IQCE: variants seen among roughly 807,000 people sequenced by gnomAD.
IQCE encodes IQ motif containing E, also known as IQ domain-containing protein E.
In IQCE, 115 loss-of-function variants were observed where a neutral mutation model predicts 96.0. The ratio of observed to expected loss-of-function variants is 1.20; its 90% confidence interval spans 1.03 to 1.40. The LOEUF (loss-of-function observed/expected upper bound fraction) is 1.40. Among genes scored for constraint, IQCE ranks in the 40% most tolerant of loss-of-function variants. The pLI is 0.00. For synonymous variants in IQCE, 412 were observed against 371.2 expected, an observed-to-expected ratio of 1.11 and a Z score of -1.26; for missense variants, 1,041 against 909.1, an observed-to-expected ratio of 1.15 and a Z score of -1.87.
intron 11 of IQCE, chr7:2,584,518 C>T (rs1007507296): frequency 3.0e-5 from 16 of 534,870 alleles, no homozygotes; most frequent in Admixed American, 1.9e-4. Flanking sequence ...CAATGCCGCC[C>T]GTGTTCGTTA....
At chr7:2,586,504 C>T in intron 12 of IQCE, 133 bp downstream of exon 12, 3 of 963,530 alleles carry the variant, frequency 3.1e-6, no homozygotes, top group African/African-American at 1.6e-5. Context: ...ACGCCAGTTC[C>T]CACATGTGCC....
At chr7:2,586,416 AGGGAAT>A (rs1783119260) in intron 12 of IQCE, 45 bp downstream of exon 12, 4 of 1,556,758 alleles carry the variant, frequency 2.6e-6, no homozygotes, top group Non-Finnish European at 3.5e-6. Flanking sequence ...AGGGAATGGC[AGGGAAT>A]GGCAGGGCAT....
At chr7:2,582,908 A>C (rs887452145) in intron 9 of IQCE, among the ~76,000 whole-genome samples, 2 of 151,884 alleles carry the variant, frequency 1.3e-5, no homozygotes, top group Non-Finnish European at 2.9e-5. Flanking sequence ...TCTTTCCAGG[A>C]TGAGGTTTTA....
chr7:2,582,195 C>A, intron 8 of IQCE: 1 of 400,226 alleles, frequency 2.5e-6, no homozygotes, highest in Non-Finnish European at 5.0e-6. Flanking sequence ...CTGAACTGGG[C>A]GGCCCTAGGG....
chr7:2,609,727 A>G (rs1562689665), intron 21 of IQCE, among the ~76,000 whole-genome samples: 2 of 147,686 alleles, frequency 1.4e-5, no homozygotes, highest in Admixed American at 6.7e-5. Flanking sequence ...GAGGCTGGAG[A>G]GTGAGGCTTT....
At chr7:2,587,140 G>C (rs1783186172) in intron 12 of IQCE, among the ~76,000 whole-genome samples, 1 of 152,128 alleles carries the variant, frequency 6.6e-6, no homozygotes, top group South Asian at 2.1e-4. Context: ...AGAGGGAGCA[G>C]CCAGGCTCCA....
chr7:2,601,860 T>C (rs1784457769), intron 18 of IQCE: 1 of 209,104 alleles, frequency 4.8e-6, no homozygotes, highest in South Asian at 8.0e-5. Flanking sequence ...AGTCCTTCTT[T>C]TCATGAAACC....
intron 6 of IQCE, among the ~76,000 whole-genome samples, chr7:2,576,202 C>T (rs912371132): frequency 6.6e-6 from 1 of 152,178 alleles, no homozygotes; most frequent in Non-Finnish European, 1.5e-5. Flanking sequence ...ATACCACAGT[C>T]TTTTGCAAGG....
At chr7:2,562,078 T>C (rs1231656921) in intron 1 of IQCE, among the ~76,000 whole-genome samples, 2 of 152,196 alleles carry the variant, frequency 1.3e-5, no homozygotes, top group Non-Finnish European at 2.9e-5. Context: ...CTTCATAGAT[T>C]ATTGAGTATC....
chr7:2,562,667 GT>G (rs1401416135), intron 1 of IQCE, among the ~76,000 whole-genome samples: 4 of 149,288 alleles, frequency 2.7e-5, no homozygotes, highest in Non-Finnish European at 5.9e-5. Context: ...AGGTTTGTCA[GT>G]TTTGTTGATC....
intron 20 of IQCE, 99 bp downstream of exon 20, chr7:2,606,096 C>G: frequency 7.2e-7 from 1 of 1,389,356 alleles, no homozygotes; most frequent in South Asian, 1.5e-5. Context: ...GTGGCGGAAA[C>G]TGGAGCAGCG....
At chr7:2,584,213 G>C in intron 10 of IQCE, 23 bp from the exon 11 acceptor site, 3 of 1,607,820 alleles carry the variant, frequency 1.9e-6, no homozygotes, top group Non-Finnish European at 2.6e-6. Context: ...GTGTTTTCAT[G>C]CATTTCAATT....
chr7:2,586,261 C>T lies in IQCE; in HGVS notation c.878C>T (p.Ala293Val), dbSNP rs1562650936. 6.2e-7 allele frequency: 1 copy of T among 1,614,030 alleles called. No homozygotes were observed. Among genetic ancestry groups the T allele is most frequent in the Non-Finnish European group, 8.5e-7 (1 of 1,179,942 alleles). ...GAKRQKKMGS[A>V]LLSLSRSVQE... is the part of the protein sequence containing the mutation. ...AAAAGGCAGAAGAAGATGGGCAGTGCCCTCCTGAGCTTGTCCCGGAGTGTC... is the reference window on the plus strand; with the variant it reads ...AAAAGGCAGAAGAAGATGGGCAGTGTCCTCCTGAGCTTGTCCCGGAGTGTC... The change falls in exon 12 of 22, where the codon GCC (alanine) becomes GTC (valine). Residue 293 changes from alanine to valine, a missense_variant. Ala to Val is a moderately conservative substitution (Grantham distance 64). Coordinates refer to ENST00000402050, the MANE Select transcript of IQCE (RefSeq NM_152558.5).
At chr7:2,582,138 C>A (rs1782720524) in intron 8 of IQCE, 4 of 454,674 alleles carry the variant, frequency 8.8e-6, no homozygotes, top group Non-Finnish European at 9.0e-6. Context: ...CTCCTCAGGC[C>A]CCTACGGCCG....
In IQCE at chr7:2,587,771, G is replaced by C. The variant is rs760843406; in HGVS notation, c.989-51G>C. Reference sequence around the variant, plus strand: ...GGCCATACCTGAGAAGGGTGGCCCTGCTGGCAGTGCCCACCAGGATGCCGT... The same window carrying C: ...GGCCATACCTGAGAAGGGTGGCCCTCCTGGCAGTGCCCACCAGGATGCCGT... On this transcript the variant is annotated intron_variant, in intron 12 of 21. Transcript: ENST00000402050. The C allele has an allele frequency of 1.9e-6, 3 of 1,577,802 alleles. No homozygotes were observed. The African/African-American group carries it at 4.0e-5, about 21-fold the overall frequency.
At chr7:2,570,220 C>T (rs143546070) in intron 3 of IQCE, among the ~76,000 whole-genome samples, 3 of 152,228 alleles carry the variant, frequency 2.0e-5, no homozygotes, top group South Asian at 2.1e-4. Flanking sequence ...CCGAGTTTGT[C>T]GTTTTCCGGG....
intron 1 of IQCE, among the ~76,000 whole-genome samples, chr7:2,563,411 G>GTGTGTGTGTGTGTGTA (rs773616723): frequency 2.1e-3 from 319 of 148,696 alleles, no homozygotes; most frequent in African/African-American, 7.4e-3. Context: ...GTGTGTGTGT[G>GTGTGTGTGTGTGTGTA]TACAGGGTTT....
intron 15 of IQCE, 64 bp downstream of exon 15, chr7:2,593,190 G>GT: frequency 6.6e-7 from 1 of 1,522,518 alleles, no homozygotes; most frequent in South Asian, 1.3e-5. Flanking sequence ...TACCACTGCG[G>GT]CCCCCCGTGG....
chr7:2,602,196 C>T (rs181510868), intron 18 of IQCE, among the ~76,000 whole-genome samples: 59 of 152,204 alleles, frequency 3.9e-4, no homozygotes, highest in African/African-American at 1.3e-3. Flanking sequence ...CTCACTGGAC[C>T]GGGAAGTGAG....
Sources: gnomAD v4.1 joint callset for allele counts (sites outside exome capture counted in the v4.1 genomes callset) on GRCh38, gnomAD v4.1.1 for gene constraint, MANE v1.5 for transcripts, NCBI Gene and HGNC (gene_info 2026-07-23, HGNC 2026-07-21) for gene names.